Variants in ZNF343 observed in about 807,000 individuals in gnomAD.
ZNF343 encodes the protein zinc finger protein 343.
ZNF343 carries 11 observed loss-of-function variants against 13.8 expected under a neutral mutation model. The observed-to-expected ratio is 0.80, with a 90% CI of 0.50 to 1.32. The LOEUF is 1.32. Ranked by LOEUF, ZNF343 falls within the 40% of genes most tolerant of loss-of-function variation. ZNF343 has a pLI of 0.00. For synonymous variants in ZNF343, 248 were observed against 260.0 expected (o/e 0.95, Z 0.44); for missense variants, 658 against 714.2 (o/e 0.92, Z 0.90).
chr20:2,516,159 G>A (rs572736152), intron 1 of ZNF343, among the ~76,000 whole-genome samples: 34 of 152,120 alleles, frequency 2.2e-4, no homozygotes, highest in African/African-American at 3.4e-4. Flanking sequence ...GGTTCAGGTC[G>A]GAATCAAGGT....
At chr20:2,517,610 TC>T (rs2085765066) in intron 1 of ZNF343, among the ~76,000 whole-genome samples, 1 of 151,098 alleles carries the variant, frequency 6.6e-6, no homozygotes, top group Non-Finnish European at 1.5e-5. Flanking sequence ...CAAGCAGTCC[TC>T]CCACCTCAGC....
rs2085190433 is a variant in ZNF343 at position 2,482,957 on chromosome 20, T to G, written c.*204A>C. On this transcript the variant is annotated 3_prime_UTR_variant, in exon 6 of 6. Transcript: ENST00000278772. The stretch of plus-strand genomic sequence containing the variant: ...TGCATGCTCAAGGCTGACTGATGGC[T>G]ACAGTTGCCCGTACTCTATACTCAT... 1 of 609,992 alleles carries G rather than the reference T, an allele frequency of 1.6e-6. No individual in the cohort carries two copies. The highest frequency in any genetic ancestry group is 1.8e-5 in the African/African-American group (1 of 54,270). 37.8% of individuals were successfully genotyped at this position (609,992 alleles called of 1,614,324 possible). A position where few individuals can be genotyped will look rare whatever the true frequency, so the allele number is the denominator to read the frequency against.
intron 2 of ZNF343, among the ~76,000 whole-genome samples, chr20:2,499,580 A>T (rs939092114): frequency 1.3e-5 from 2 of 152,016 alleles, no homozygotes; most frequent in Non-Finnish European, 1.5e-5. Context: ...GTGGAAGGTG[A>T]ACTAGAATGT....
In ZNF343 at chr20:2,484,452, C is replaced by T. The variant is rs368796053; in HGVS notation, c.509G>A (p.Gly170Asp). The T allele has an allele frequency of 6.2e-7, 1 of 1,614,212 alleles. No homozygotes were observed. Among genetic ancestry groups the T allele is most frequent in the Non-Finnish European group, 8.5e-7 (1 of 1,180,044 alleles). Reference sequence around the variant, plus strand: ...TTTGGAGCCACCTCCTCTCTCCTGACCTTCTGCATTTTCAAACCAACAGCT... The same window carrying T: ...TTTGGAGCCACCTCCTCTCTCCTGATCTTCTGCATTTTCAAACCAACAGCT... ...HVSCWFENAE[G>D]QERGGGSKPW... The change falls in exon 6 of 6, where the codon GGT (glycine) becomes GAT (aspartate). Residue 170 changes from glycine to aspartate, a missense_variant. Gly to Asp is a moderately conservative substitution (Grantham distance 94). Transcript: ENST00000278772.
At chr20:2,506,368 A>C (rs1454165634) in intron 1 of ZNF343, among the ~76,000 whole-genome samples, 2 of 152,124 alleles carry the variant, frequency 1.3e-5, no homozygotes, top group Non-Finnish European at 2.9e-5. Flanking sequence ...TAGTTCAACC[A>C]TTGTAGAAGT....
At chr20:2,501,186 T>C (rs545086906) in intron 1 of ZNF343, among the ~76,000 whole-genome samples, 8 of 152,252 alleles carry the variant, frequency 5.3e-5, no homozygotes. Context: ...CAGTGGGTCC[T>C]ACGCCCATGG....
intron 2 of ZNF343, among the ~76,000 whole-genome samples, chr20:2,500,119 A>C (rs6036719): frequency 6.6e-6 from 1 of 151,208 alleles, no homozygotes; most frequent in Non-Finnish European, 1.5e-5. Flanking sequence ...GAAAATGAGG[A>C]GGTGGGGGGC....
rs3051730 is a variant in ZNF343 at position 2,523,677 on chromosome 20, CT to C, written c.-347+777del. Among the ~76,000 whole-genome samples, 383 of 102,778 alleles carry C rather than the reference CT, an allele frequency of 3.7e-3. 1 individual carries two copies. Among genetic ancestry groups the C allele is most frequent in the African/African-American group, 0.01 (266 of 25,950 alleles). 67.4% of individuals were successfully genotyped at this position (102,778 alleles called of 152,430 possible). On this transcript the variant is annotated intron_variant, in intron 1 of 6. Transcript: ENST00000358413. ...AAACCCCACTCCATAGCTATGTGTA[CT>C]TTTTTTTTTTTTTTTTTTTTGAGAC... is the stretch of plus-strand genomic sequence containing the variant.
In ZNF343 at chr20:2,483,403, GC is replaced by G. The variant is rs772997255; in HGVS notation, c.1557del (p.Lys519AsnfsTer92). The G allele has an allele frequency of 1.9e-6, 3 of 1,611,650 alleles. No individual in the cohort carries two copies. The African/African-American group carries it at 4.1e-5, about 22-fold the overall frequency. On this transcript the variant is annotated frameshift_variant, in exon 6 of 6. Transcript: ENST00000278772. LOFTEE classifies it low-confidence loss of function (END_TRUNC). ...IRHQRTHSNEKPYICRECGRG... is the reference protein window; with the variant it reads ...IRHQRTHSNEXPYICRECGRG... Reference sequence around the variant, plus strand: ...CGCCCACATTCCCTGCAAATATAAGGCTTCTCATTTGAGTGCGTCCTCTGGT... The same window carrying G: ...CGCCCACATTCCCTGCAAATATAAGGTTCTCATTTGAGTGCGTCCTCTGGT...
chr20:2,482,945 C>A lies in ZNF343; in HGVS notation c.*216G>T. The A allele has an allele frequency of 1.7e-6, 1 of 582,198 alleles. No individual in the cohort carries two copies. 36.1% of individuals were successfully genotyped at this position (582,198 alleles called of 1,614,324 possible). On this transcript the variant is annotated 3_prime_UTR_variant, in exon 6 of 6. Coordinates refer to ENST00000278772, the MANE Select transcript of ZNF343 (RefSeq NM_024325.6). ...TGTGTCCTTTTGTGCATGCTCAAGG[C>A]TGACTGATGGCTACAGTTGCCCGTA...
At position 2,484,150 on chromosome 20, in the gene ZNF343, AAAT is replaced by A; in HGVS notation, c.808_810del (p.Ile270del). On this transcript the variant is annotated inframe_deletion, in exon 6 of 6. Transcript: ENST00000278772. ...TTAAAGCTTCGCCCACAATCACTGC[AAAT>A]GTAGGGCTTCTTCCCTAAGAGGGTC... is the stretch of plus-strand genomic sequence containing the variant. 1.2e-6 allele frequency: 2 copies of A among 1,614,228 alleles called. No individual in the cohort carries two copies. The highest frequency in any genetic ancestry group is 1.7e-6 in the Non-Finnish European group (2 of 1,180,034).
At chr20:2,509,435 G>T (rs900998223), upstream of ZNF343, among the ~76,000 whole-genome samples, 41 of 152,178 alleles carry the variant, frequency 2.7e-4, no homozygotes, top group African/African-American at 8.2e-4. Flanking sequence ...GTGCACTCCT[G>T]TGGGTGGCCT....
chr20:2,493,903 G>A lies in ZNF343; in HGVS notation c.-8C>T. ...AGGATAAGGCAACATCATGGCGCCA[G>A]AGTCAGCCCAGTGTGTGCCTTGAAA... On this transcript the variant is annotated 5_prime_UTR_variant, in exon 3 of 6. Transcript: ENST00000278772. The A allele has an allele frequency of 6.3e-7, 1 of 1,589,778 alleles. No individual in the cohort carries two copies. Among genetic ancestry groups the A allele is most frequent in the Non-Finnish European group, 8.6e-7 (1 of 1,157,806 alleles).
intron 1 of ZNF343, among the ~76,000 whole-genome samples, chr20:2,515,475 A>T (rs1376989460): frequency 1.3e-5 from 2 of 152,228 alleles, no homozygotes; most frequent in Non-Finnish European, 2.9e-5. Context: ...GAATCTTAAA[A>T]AATATTCCAA....
chr20:2,487,039 G>A (rs2085292231), intron 5 of ZNF343, among the ~76,000 whole-genome samples: 1 of 152,102 alleles, frequency 6.6e-6, no homozygotes, highest in Admixed American at 6.5e-5. Flanking sequence ...ACAAAAACAG[G>A]CAGTGAGACA....
chr20:2,483,408 T>C lies in ZNF343; in HGVS notation c.1553A>G (p.Glu518Gly). The part of the protein sequence containing the change: ...LIRHQRTHSN[E>G]KPYICRECGR... ...ACATTCCCTGCAAATATAAGGCTTC[T>C]CATTTGAGTGCGTCCTCTGGTGTCT... The change falls in exon 6 of 6, where the codon GAG (glutamate) becomes GGG (glycine). Residue 518 changes from glutamate to glycine, a missense_variant. Coordinates refer to ENST00000278772, the MANE Select transcript of ZNF343 (RefSeq NM_024325.6). The C allele has an allele frequency of 6.2e-7, 1 of 1,612,200 alleles. No homozygotes were observed. Among genetic ancestry groups the C allele is most frequent in the Admixed American group, 1.7e-5 (1 of 59,628 alleles).
chr20:2,498,347 AC>A (rs1445057352), intron 2 of ZNF343, among the ~76,000 whole-genome samples: 3 of 152,112 alleles, frequency 2.0e-5, no homozygotes, highest in Admixed American at 6.5e-5. Context: ...AAAGAGCAAA[AC>A]TCCGTCTCCA....
chr20:2,498,849 G>A (rs1296036499), intron 2 of ZNF343, among the ~76,000 whole-genome samples: 1 of 152,138 alleles, frequency 6.6e-6, no homozygotes, highest in African/African-American at 2.4e-5. Flanking sequence ...GACAGGCTTT[G>A]AATCTAGGCA....
chr20:2,515,537 AC>A lies in ZNF343; in HGVS notation c.-347+8917del, dbSNP rs1204551091. On this transcript the variant is annotated intron_variant, in intron 1 of 6. Transcript: ENST00000358413. ...ACTCCAACTCTAACTTCTTTTTTGAACTACTACTGCTAAATAGATAACTAGT... is the reference window on the plus strand; with the variant it reads ...ACTCCAACTCTAACTTCTTTTTTGAATACTACTGCTAAATAGATAACTAGT... Among the ~76,000 whole-genome samples the A allele has an allele frequency of 2.0e-5, 3 of 152,336 alleles. No homozygotes were observed. The East Asian group carries it at 5.8e-4, about 29-fold the overall frequency.
Sources: gnomAD v4.1 joint callset for allele counts (sites outside exome capture counted in the v4.1 genomes callset) on GRCh38, gnomAD v4.1.1 for gene constraint, MANE v1.5 for transcripts, NCBI Gene and HGNC (gene_info 2026-07-23, HGNC 2026-07-21) for gene names.